The following SYT16 variants were observed in gnomAD, a reference collection of about 807,000 sequenced individuals.
SYT16 encodes the protein synaptotagmin-16.
SYT16 carries 42 observed loss-of-function variants against 61.4 expected under a neutral mutation model. That is an observed-to-expected ratio of 0.68 (90% CI 0.53 to 0.89). SYT16 has a LOEUF of 0.89. Among genes scored for constraint, SYT16 ranks in the 40% least tolerant of loss-of-function variants. The pLI is 0.00. For missense variants in SYT16, 804 were observed against 807.3 expected (o/e 1.00, Z 0.05); for synonymous variants, 314 against 302.3 (o/e 1.04, Z -0.40).
intron 2 of SYT16, among the ~76,000 whole-genome samples, chr14:61,977,105 C>A (rs914885167): frequency 1.3e-5 from 2 of 152,144 alleles, no homozygotes; most frequent in African/African-American, 4.8e-5. Context: ...ACCACCTCAG[C>A]CTGGACTTCG....
chr14:61,932,136 C>A (rs555599296), intron 1 of SYT16, among the ~76,000 whole-genome samples: 1 of 152,310 alleles, frequency 6.6e-6, no homozygotes, highest in South Asian at 2.1e-4. Context: ...AGCCAGCACA[C>A]CCAGCTCCTT....
intron 3 of SYT16, among the ~76,000 whole-genome samples, chr14:62,007,012 A>G (rs572082608): frequency 2.0e-5 from 3 of 152,242 alleles, no homozygotes; most frequent in South Asian, 4.1e-4. Flanking sequence ...CAACCAGATT[A>G]CTCTGCTATG....
chr14:62,112,110 TCTTA>T lies in SYT16; in HGVS notation c.*11406_*11409del, dbSNP rs781347388. The stretch of plus-strand genomic sequence containing the variant: ...TAATGATGGTTTTAATGTATTACTA[TCTTA>T]CTATTATGTATTGTGTTTAAACAAG... On this transcript the variant is annotated 3_prime_UTR_variant, in exon 8 of 8. Coordinates refer to ENST00000683842, the MANE Select transcript of SYT16 (RefSeq NM_001367656.1). The T allele has an allele frequency of 4.6e-5, 7 of 152,160 alleles. No individual in the cohort carries two copies. Among genetic ancestry groups the T allele is most frequent in the Admixed American group, 3.9e-4 (6 of 15,272 alleles). The allele number at this position is 152,160 out of a possible 1,614,324, so 9.4% of individuals were successfully genotyped here.
intron 5 of SYT16, chr14:62,079,258 A>G: frequency 1.5e-6 from 1 of 645,844 alleles, no homozygotes; most frequent in Middle Eastern, 4.8e-4. Context: ...CTGAATAGAA[A>G]CACTCACGCA....
intron 1 of SYT16, among the ~76,000 whole-genome samples, chr14:61,965,050 G>A (rs1041312572): frequency 1.3e-5 from 2 of 152,078 alleles, no homozygotes; most frequent in Admixed American, 6.6e-5. Context: ...GACTTGCTTT[G>A]TTGTGATTTT....
At chr14:61,895,120 A>G (rs1375289092) in intron 1 of SYT16, among the ~76,000 whole-genome samples, 1 of 152,232 alleles carries the variant, frequency 6.6e-6, no homozygotes. Context: ...ATGGCATTAT[A>G]TCAGAGGAAG....
chr14:62,071,253 A>C (rs1388903550), intron 4 of SYT16, among the ~76,000 whole-genome samples: 3 of 152,198 alleles, frequency 2.0e-5, no homozygotes, highest in Non-Finnish European at 4.4e-5. Flanking sequence ...TAGCTAATGA[A>C]AGTTAATAGC....
At chr14:61,858,120 C>CAAAAAAAAAAAAAAAAAAAAAAAAAAA (rs34781118) in intron 1 of SYT16, among the ~76,000 whole-genome samples, 18 of 43,216 alleles carry the variant, frequency 4.2e-4, no homozygotes, top group East Asian at 8.0e-4. Flanking sequence ...CACAGCTTGG[C>CAAAAAAAAAAAAAAAAAAAAAAAAAAA]AAAAAAAAAA....
chr14:61,894,624 A>T (rs2048262592), intron 1 of SYT16, among the ~76,000 whole-genome samples: 1 of 152,084 alleles, frequency 6.6e-6, no homozygotes, highest in Admixed American at 6.5e-5. Context: ...CCCTCATTTC[A>T]GATTGAGGGA....
At chr14:62,092,272 A>G (rs1416943232) in intron 7 of SYT16, among the ~76,000 whole-genome samples, 1 of 151,496 alleles carries the variant, frequency 6.6e-6, no homozygotes, top group East Asian at 1.9e-4. Context: ...GCCCTTGTCC[A>G]TTACTGGTAG....
intron 1 of SYT16, among the ~76,000 whole-genome samples, chr14:61,896,045 C>T (rs182450392): frequency 1.3e-5 from 2 of 151,634 alleles, no homozygotes; most frequent in East Asian, 3.9e-4. Flanking sequence ...CCTTACACCT[C>T]TCTGAGATCT....
At chr14:62,096,384 A>G (rs959497454) in intron 7 of SYT16, among the ~76,000 whole-genome samples, 1 of 152,118 alleles carries the variant, frequency 6.6e-6, no homozygotes, top group African/African-American at 2.4e-5. Context: ...GAATATTGAT[A>G]TAATGCAAAA....
chr14:62,009,401 G>T (rs946984914), intron 3 of SYT16, among the ~76,000 whole-genome samples: 1 of 152,138 alleles, frequency 6.6e-6, no homozygotes, highest in African/African-American at 2.4e-5. Context: ...AAGTTTACAA[G>T]AGGAAACTAG....
At chr14:61,860,066 C>T (rs2046918454) in intron 1 of SYT16, among the ~76,000 whole-genome samples, 1 of 152,152 alleles carries the variant, frequency 6.6e-6, no homozygotes, top group South Asian at 2.1e-4. Flanking sequence ...CAATAGTTGT[C>T]TTTTCCACTG....
intron 1 of SYT16, among the ~76,000 whole-genome samples, chr14:61,962,905 T>A (rs2051169979): frequency 6.6e-6 from 1 of 152,172 alleles, no homozygotes. Context: ...GTTTTCCTGA[T>A]TTAATTAGTC....
chr14:62,001,778 C>T (rs1430711379), intron 3 of SYT16, among the ~76,000 whole-genome samples: 2 of 151,902 alleles, frequency 1.3e-5, no homozygotes, highest in Admixed American at 1.3e-4. Flanking sequence ...TGTTTCATCA[C>T]TTTTTTTTCT....
rs185932874 is a variant in SYT16 at position 61,945,585 on chromosome 14, G to T, written c.-324-24547G>T. 1.6e-3 allele frequency among the ~76,000 whole-genome samples: 245 copies of T among 152,296 alleles called. 1 individual carries two copies. Among genetic ancestry groups the T allele is most frequent in the African/African-American group, 5.5e-3 (230 of 41,568 alleles). On this transcript the variant is annotated intron_variant, in intron 1 of 7. Coordinates refer to ENST00000683842, the MANE Select transcript of SYT16 (RefSeq NM_001367656.1). ...AAAGGATGAGTTGGGGCCAGGCGCG[G>T]TGGCTCACGCCTGTAATCCCAGCAC...
At chr14:62,078,231 G>C (rs2056583853) in intron 5 of SYT16, among the ~76,000 whole-genome samples, 1 of 147,052 alleles carries the variant, frequency 6.8e-6, no homozygotes, top group African/African-American at 2.6e-5. Flanking sequence ...ATGCCTAAAG[G>C]TTTGGGGAAG....
chr14:61,834,157 G>A (rs2046045842), intron 1 of SYT16, among the ~76,000 whole-genome samples: 1 of 151,874 alleles, frequency 6.6e-6, no homozygotes, highest in African/African-American at 2.4e-5. Context: ...TTGAGATGGA[G>A]TCTCCCACTG....
Sources: allele counts gnomAD v4.1 joint callset (sites outside exome capture counted in the v4.1 genomes callset), GRCh38; gene constraint gnomAD v4.1.1; transcripts MANE v1.5; gene names NCBI Gene and HGNC (gene_info 2026-07-23, HGNC 2026-07-21).